Variants in NALCN observed in about 807,000 individuals in gnomAD.
NALCN encodes the protein sodium leak channel, non-selective, also known as sodium leak channel NALCN.
Under a neutral mutation model 225.3 loss-of-function variants are expected in NALCN, and 111 were observed. The ratio of observed to expected loss-of-function variants is 0.49; its 90% confidence interval spans 0.42 to 0.58. The LOEUF (loss-of-function observed/expected upper bound fraction) is 0.58, where lower values mean the gene tolerates loss of function less well. Ranked by LOEUF, NALCN falls within the 20% of genes least tolerant of loss-of-function variation. The pLI is 0.00. For missense variants in NALCN, 1,378 were observed against 2,202.4 expected (o/e 0.63, Z 7.49); for synonymous variants, 764 against 769.0 (o/e 0.99, Z 0.11).
At chr13:101,278,663 A>G (rs1168121294) in intron 10 of NALCN, among the ~76,000 whole-genome samples, 1 of 152,202 alleles carries the variant, frequency 6.6e-6, no homozygotes, top group African/African-American at 2.4e-5. Context: ...GTGAAACATA[A>G]CAGAAGTCAG....
At position 101,258,668 on chromosome 13, in the gene NALCN, T is replaced by C. The variant is rs775075061; in HGVS notation, c.1135-94A>G. On this transcript the variant is annotated intron_variant, in intron 10 of 43. Coordinates refer to ENST00000251127, the MANE Select transcript of NALCN (RefSeq NM_052867.4). ...TCCTTGGCTGACAGCACCTTTGTGA[T>C]GTGCTGCTATGCAAAACAGGGCTTC... 5.9e-6 allele frequency: 9 copies of C among 1,532,150 alleles called. No individual in the cohort carries two copies. The Admixed American group carries it at 7.1e-5, about 12-fold the overall frequency. 94.9% of individuals were successfully genotyped at this position (1,532,150 alleles called of 1,614,324 possible). A position where few individuals can be genotyped will look rare whatever the true frequency, so the allele number is the denominator to read the frequency against.
intron 11 of NALCN, among the ~76,000 whole-genome samples, chr13:101,253,140 T>C (rs1472293856): frequency 6.6e-6 from 1 of 152,148 alleles, no homozygotes; most frequent in Non-Finnish European, 1.5e-5. Context: ...GAAAATAAAC[T>C]TTACCTTTTT....
intron 13 of NALCN, among the ~76,000 whole-genome samples, chr13:101,198,659 G>A (rs770402889): frequency 6.6e-6 from 1 of 152,188 alleles, no homozygotes; most frequent in Non-Finnish European, 1.5e-5. Flanking sequence ...TGGAGAGGAT[G>A]TGGAGAAATA....
At chr13:101,101,551 G>C (rs553308288) in intron 26 of NALCN, among the ~76,000 whole-genome samples, 331 of 152,150 alleles carry the variant, frequency 2.2e-3, no homozygotes, top group African/African-American at 7.4e-3. Flanking sequence ...AAAGTGCTGG[G>C]ATTACAGGCG....
chr13:101,214,021 T>C (rs1164812420), intron 13 of NALCN, among the ~76,000 whole-genome samples: 2 of 152,164 alleles, frequency 1.3e-5, no homozygotes, highest in African/African-American at 4.8e-5. Context: ...CTATTCACAA[T>C]AGCAAAGACT....
intron 15 of NALCN, among the ~76,000 whole-genome samples, chr13:101,150,464 T>A (rs2037592236): frequency 6.6e-6 from 1 of 152,166 alleles, no homozygotes; most frequent in Non-Finnish European, 1.5e-5. Flanking sequence ...CCACCAAAAC[T>A]TTGACGTCTT....
chr13:101,139,736 G>A (rs2139771712), intron 17 of NALCN, among the ~76,000 whole-genome samples: 1 of 152,288 alleles, frequency 6.6e-6, no homozygotes, highest in South Asian at 2.1e-4. Flanking sequence ...GGAACTAATG[G>A]TGGTAGGGTC....
intron 19 of NALCN, 127 bp downstream of exon 19, chr13:101,110,998 G>C: frequency 1.1e-6 from 1 of 887,054 alleles, no homozygotes; most frequent in Non-Finnish European, 1.7e-6. Context: ...ACAGCAAATA[G>C]AACGCGATTC....
chr13:101,360,125 CTTTT>C (rs1417365159), intron 6 of NALCN, among the ~76,000 whole-genome samples: 2 of 138,946 alleles, frequency 1.4e-5, no homozygotes, highest in African/African-American at 2.8e-5. Flanking sequence ...TCTTTCCTTT[CTTTT>C]TTCTTTCTTT....
At chr13:101,184,908 T>C (rs918672708) in intron 14 of NALCN, among the ~76,000 whole-genome samples, 1 of 152,194 alleles carries the variant, frequency 6.6e-6, no homozygotes, top group Non-Finnish European at 1.5e-5. Context: ...TTTTTTCCTT[T>C]TATATAGCTT....
intron 13 of NALCN, among the ~76,000 whole-genome samples, chr13:101,221,849 C>T (rs1160599763): frequency 6.6e-6 from 1 of 152,176 alleles, no homozygotes; most frequent in African/African-American, 2.4e-5. Context: ...CGAAAAGGGA[C>T]TTACTTTCCT....
At position 101,334,351 on chromosome 13, in the gene NALCN, A is replaced by C. The variant is rs535317596; in HGVS notation, c.799+10915T>G. Among the ~76,000 whole-genome samples, 3 of 85,892 alleles carry C rather than the reference A, an allele frequency of 3.5e-5. 1 individual carries two copies. In the South Asian group the frequency reaches 9.8e-4, roughly 28 times the overall value. The allele number at this position is 85,892 out of a possible 152,430, so 56.3% of individuals were successfully genotyped here. A position where few individuals can be genotyped will look rare whatever the true frequency, so the allele number is the denominator to read the frequency against. ...GAGTAGGTCCTGACAGGTGAGTCAC[A>C]GGAGATGGGGGTAGGGGGAGCGGTA... On this transcript the variant is annotated intron_variant, in intron 7 of 43. Coordinates refer to ENST00000251127, the MANE Select transcript of NALCN (RefSeq NM_052867.4).
chr13:101,066,527 C>T (rs555128618), intron 39 of NALCN, among the ~76,000 whole-genome samples: 15 of 151,968 alleles, frequency 9.9e-5, no homozygotes, highest in East Asian at 1.9e-4. Flanking sequence ...GGAACACTGG[C>T]GACCATGACT....
chr13:101,142,891 G>T, intron 17 of NALCN, 189 bp downstream of exon 17: 1 of 748,502 alleles, frequency 1.3e-6, no homozygotes, highest in Non-Finnish European at 2.1e-6. Flanking sequence ...AGCTTACACG[G>T]GCAAATGCAA....
intron 17 of NALCN, among the ~76,000 whole-genome samples, chr13:101,131,464 G>C (rs1026530120): frequency 6.6e-6 from 1 of 151,784 alleles, no homozygotes; most frequent in Non-Finnish European, 1.5e-5. Flanking sequence ...TTAATATATC[G>C]ATCAAATATG....
intron 13 of NALCN, among the ~76,000 whole-genome samples, chr13:101,200,241 C>A (rs1052319431): frequency 6.6e-6 from 1 of 152,102 alleles, no homozygotes; most frequent in South Asian, 2.1e-4. Flanking sequence ...CACTCCTTCC[C>A]AGCCAAGAAA....
intron 1 of NALCN, among the ~76,000 whole-genome samples, chr13:101,407,708 C>A (rs763193717): frequency 3.3e-5 from 5 of 152,108 alleles, no homozygotes; most frequent in Admixed American, 6.6e-5. Context: ...AGTTTAGAAT[C>A]CAAGTAGTCT....
intron 22 of NALCN, among the ~76,000 whole-genome samples, chr13:101,106,149 CG>C (rs990314654): frequency 6.6e-6 from 1 of 152,142 alleles, no homozygotes; most frequent in African/African-American, 2.4e-5. Flanking sequence ...CTTCTCCCTA[CG>C]TGTCTTCGCA....
chr13:101,119,590 C>T (rs527737302), intron 18 of NALCN, among the ~76,000 whole-genome samples: 9 of 152,190 alleles, frequency 5.9e-5, no homozygotes, highest in Admixed American at 1.3e-4. Flanking sequence ...AACGATAATG[C>T]ATTTTTTGCT....
Sources: gnomAD v4.1 joint callset for allele counts (sites outside exome capture counted in the v4.1 genomes callset) on GRCh38, gnomAD v4.1.1 for gene constraint, MANE v1.5 for transcripts, NCBI Gene and HGNC (gene_info 2026-07-23, HGNC 2026-07-21) for gene names.